The following COL4A5 variants were observed in gnomAD, a reference collection of about 807,000 sequenced individuals.
COL4A5 encodes the protein collagen type IV alpha 5 chain.
A neutral mutation model predicts 130.2 loss-of-function variants in COL4A5; 26 were observed. The observed-to-expected ratio is 0.20, with a 90% CI of 0.15 to 0.28. The LOEUF is 0.28. Among genes scored for constraint, COL4A5 ranks in the 10% least tolerant of loss-of-function variants. The pLI is 1.00. For missense variants in COL4A5, 1,131 were observed against 1,344.3 expected (o/e 0.84, Z 2.48); for synonymous variants, 496 against 439.6 (o/e 1.13, Z -1.60).
At chrX:108,676,684 G>A (rs1325155231) in intron 43 of COL4A5, among the ~76,000 whole-genome samples, 1 of 111,838 alleles carries the variant, frequency 8.9e-6, no homozygotes, top group Non-Finnish European at 1.9e-5. Flanking sequence ...AAATTCCTAT[G>A]TATCAAGCAT....
At chrX:108,497,935 C>G (rs1050233524) in intron 1 of COL4A5, among the ~76,000 whole-genome samples, 1 of 111,518 alleles carries the variant, frequency 9.0e-6, no homozygotes, top group Non-Finnish European at 1.9e-5. Context: ...GTACATTTCA[C>G]AAAAGTTTTC....
intron 36 of COL4A5, among the ~76,000 whole-genome samples, chrX:108,643,993 G>A (rs1043685390): frequency 1.8e-5 from 2 of 111,788 alleles, no homozygotes. Flanking sequence ...GCCTTCAGGA[G>A]ACTCACCTAA....
At chrX:108,627,644 A>C in intron 36 of COL4A5, 4 of 569,291 alleles carry the variant, frequency 7.0e-6, no homozygotes, top group Non-Finnish European at 8.5e-6. Flanking sequence ...TAAAACACTT[A>C]TAATAATGTA....
intron 1 of COL4A5, among the ~76,000 whole-genome samples, chrX:108,480,049 A>G (rs1421798852): frequency 9.0e-6 from 1 of 111,693 alleles, no homozygotes; most frequent in Non-Finnish European, 1.9e-5. Context: ...ATATGGCCCA[A>G]GTGGTAGAGC....
At chrX:108,661,435 A>C (rs2067955451) in intron 37 of COL4A5, among the ~76,000 whole-genome samples, 1 of 111,777 alleles carries the variant, frequency 8.9e-6, no homozygotes, top group Non-Finnish European at 1.9e-5. Context: ...GGTTCTTTTA[A>C]GAGTTATCAT....
chrX:108,607,178 C>A (rs2066744079), intron 29 of COL4A5, among the ~76,000 whole-genome samples: 1 of 109,723 alleles, frequency 9.1e-6, no homozygotes, highest in Non-Finnish European at 1.9e-5. Context: ...ACCATCCTGG[C>A]CAACATGGCG....
intron 2 of COL4A5, among the ~76,000 whole-genome samples, chrX:108,540,616 T>A (rs2065523017): frequency 9.1e-6 from 1 of 110,299 alleles, no homozygotes; most frequent in Admixed American, 9.6e-5. Context: ...ATGCCTGGCT[T>A]ATTTTTGTAT....
intron 34 of COL4A5, 99 bp downstream of exon 34, chrX:108,624,433 T>C (rs1243914076): frequency 2.7e-5 from 20 of 736,216 alleles, no homozygotes; most frequent in Non-Finnish European, 3.5e-5. Flanking sequence ...GTGGATTTGA[T>C]CATGGTAATA....
Position 108,597,584 on chromosome X carries a change from A to G in COL4A5, c.1779+16A>G. 6 of 1,199,339 alleles carry G rather than the reference A, an allele frequency of 5.0e-6. No individual in the cohort carries two copies. Among genetic ancestry groups the G allele is most frequent in the Non-Finnish European group, 6.8e-6 (6 of 887,268 alleles). ...AGGAGAGCCTGTGAGTTGGTTTGAT[A>G]TTTTTGGTTTTGTGATGTTAAATTT... On this transcript the variant is annotated intron_variant, in intron 24 of 52. Coordinates refer to ENST00000328300, the MANE Select transcript of COL4A5 (RefSeq NM_033380.3).
chrX:108,687,598 G>A lies in COL4A5; in HGVS notation c.4432G>A (p.Asp1478Asn), dbSNP rs2068573208. ...TATTACACGCCACAGCCAGACAACG[G>A]ATGCACCACAATGCCCACAGGGAAC... ...FLITRHSQTT[D>N]APQCPQGTLQ... is the part of the protein sequence containing the mutation. The change falls in exon 49 of 53, where the codon GAT becomes AAT. Residue 1478 changes from aspartate (D) to asparagine (N), a missense_variant. Coordinates refer to ENST00000328300, the MANE Select transcript of COL4A5 (RefSeq NM_033380.3). 8.3e-7 allele frequency: 1 copy of A among 1,211,367 alleles called. No individual in the cohort carries two copies. Among genetic ancestry groups the A allele is most frequent in the Admixed American group, 2.2e-5 (1 of 46,031 alleles).
intron 31 of COL4A5, among the ~76,000 whole-genome samples, chrX:108,620,964 G>C (rs2067029495): frequency 9.0e-6 from 1 of 110,907 alleles, no homozygotes; most frequent in African/African-American, 3.3e-5. Flanking sequence ...AGTGTTTCAG[G>C]AACTACAGGT....
intron 1 of COL4A5, among the ~76,000 whole-genome samples, chrX:108,450,921 G>A (rs1254324144): frequency 9.2e-6 from 1 of 108,728 alleles, no homozygotes; most frequent in African/African-American, 3.4e-5. Context: ...ACATACATGT[G>A]CCATGCTGGT....
intron 4 of COL4A5, among the ~76,000 whole-genome samples, chrX:108,566,635 G>C (rs1213698790): frequency 9.1e-6 from 1 of 109,330 alleles, no homozygotes; most frequent in East Asian, 2.9e-4. Context: ...TGCAAGCTCC[G>C]CCTCCCGGGT....
At chrX:108,629,027 G>A (rs993090409) in intron 36 of COL4A5, among the ~76,000 whole-genome samples, 1 of 111,949 alleles carries the variant, frequency 8.9e-6, no homozygotes, top group Non-Finnish European at 1.9e-5. Context: ...TTTTGAAATA[G>A]GTTACTAAGG....
chrX:108,624,014 A>C (rs1297482494), intron 33 of COL4A5, among the ~76,000 whole-genome samples: 1 of 112,118 alleles, frequency 8.9e-6, no homozygotes, highest in African/African-American at 3.2e-5. Flanking sequence ...CCAAAATAGG[A>C]AAGTGATTTC....
At position 108,570,038 on chromosome X, in the gene COL4A5, C is replaced by G. The variant is rs1316265700; in HGVS notation, c.384+1217C>G. Among the ~76,000 whole-genome samples, 6 of 111,619 alleles carry G rather than the reference C, an allele frequency of 5.4e-5. No homozygotes were observed. The Admixed American group carries it at 5.7e-4, about 11-fold the overall frequency. ...TATATAGGGCATATTTTTAAAATAA[C>G]TTGAACAACTATTTTGCATTACAGT... is the stretch of plus-strand genomic sequence containing the variant. On this transcript the variant is annotated intron_variant, in intron 6 of 52. Transcript: ENST00000328300.
chrX:108,531,774 A>G (rs1439129983), intron 1 of COL4A5, among the ~76,000 whole-genome samples: 1 of 111,893 alleles, frequency 8.9e-6, no homozygotes, highest in Non-Finnish European at 1.9e-5. Context: ...GATATCACAA[A>G]AATACACAAG....
At chrX:108,502,517 T>C (rs1282330131) in intron 1 of COL4A5, among the ~76,000 whole-genome samples, 1 of 111,318 alleles carries the variant, frequency 9.0e-6, no homozygotes, top group Non-Finnish European at 1.9e-5. Context: ...ACTCCCGACC[T>C]CAGGTGATCT....
intron 36 of COL4A5, among the ~76,000 whole-genome samples, chrX:108,634,591 C>T (rs765904816): frequency 8.3e-4 from 93 of 111,487 alleles, no homozygotes; most frequent in Middle Eastern, 4.7e-3. Flanking sequence ...GTAAGTTATA[C>T]GAGAAGAAGG....
Sources: allele counts gnomAD v4.1 joint callset (sites outside exome capture counted in the v4.1 genomes callset), GRCh38; gene constraint gnomAD v4.1.1; transcripts MANE v1.5; gene names NCBI Gene and HGNC (gene_info 2026-07-23, HGNC 2026-07-21).